The following ARHGAP6 variants were observed in gnomAD, a reference collection of about 807,000 sequenced individuals.
ARHGAP6 encodes rho GTPase-activating protein 6.
Under a neutral mutation model 55.7 loss-of-function variants are expected in ARHGAP6, and 16 were observed. That is an observed-to-expected ratio of 0.29 (90% confidence interval 0.19 to 0.44). The LOEUF (loss-of-function observed/expected upper bound fraction) is 0.44. Among genes scored for constraint, ARHGAP6 ranks in the 20% least tolerant of loss-of-function variants. The pLI, the probability that ARHGAP6 is intolerant of heterozygous loss-of-function variation, is 1.00. For synonymous variants in ARHGAP6, 382 were observed against 360.9 expected (o/e 1.06, Z -0.66); for missense variants, 698 against 808.9 (o/e 0.86, Z 1.66).
At chrX:11,337,699 G>T (rs1314766839) in intron 1 of ARHGAP6, among the ~76,000 whole-genome samples, 1 of 112,383 alleles carries the variant, frequency 8.9e-6, no homozygotes, top group Non-Finnish European at 1.9e-5. Flanking sequence ...TTCTTATAGG[G>T]GAATAAAATT....
At chrX:11,244,239 A>T (rs1429915438) in intron 2 of ARHGAP6, among the ~76,000 whole-genome samples, 4 of 112,397 alleles carry the variant, frequency 3.6e-5, no homozygotes, top group Non-Finnish European at 7.5e-5. Flanking sequence ...AGATCCAGAG[A>T]ATAAATACTT....
At chrX:11,311,961 T>C (rs1232290646) in intron 1 of ARHGAP6, among the ~76,000 whole-genome samples, 1 of 109,584 alleles carries the variant, frequency 9.1e-6, no homozygotes, top group Non-Finnish European at 1.9e-5. Context: ...AAATGAACTG[T>C]GTTTGGCAAG....
chrX:11,370,582 T>C (rs1233522456), intron 1 of ARHGAP6, among the ~76,000 whole-genome samples: 1 of 111,979 alleles, frequency 8.9e-6, no homozygotes, highest in East Asian at 2.8e-4. Flanking sequence ...AATCTCTACT[T>C]AGTCATTGTA....
intron 1 of ARHGAP6, among the ~76,000 whole-genome samples, chrX:11,406,331 T>C (rs1024253478): frequency 5.4e-5 from 6 of 111,765 alleles, no homozygotes; most frequent in African/African-American, 1.3e-4. Context: ...AAGACTATAC[T>C]GAGCCTCAGC....
intron 1 of ARHGAP6, among the ~76,000 whole-genome samples, chrX:11,258,847 T>C (rs948474378): frequency 5.4e-5 from 6 of 111,820 alleles, no homozygotes; most frequent in Non-Finnish European, 3.8e-5. Context: ...TTTTACTTTT[T>C]AAATTTCTGT....
chrX:11,342,148 A>G (rs776290614), intron 1 of ARHGAP6, among the ~76,000 whole-genome samples: 1 of 112,137 alleles, frequency 8.9e-6, no homozygotes, highest in Admixed American at 9.5e-5. Context: ...GCAACCTCTC[A>G]GTTTGCTCTT....
chrX:11,266,033 CTGTGTGTGTGTGTGTGTG>C (rs56408947), intron 1 of ARHGAP6: 24 of 168,428 alleles, frequency 1.4e-4, no homozygotes, highest in African/African-American at 4.5e-4. Flanking sequence ...GCGTGTGTGC[CTGTGTGTGTGTGTGTGTG>C]TGTGTGTGTG....
At position 11,398,083 on chromosome X, in the gene ARHGAP6, T is replaced by C. The variant is rs755549468; in HGVS notation, c.589-143376A>G. Among the ~76,000 whole-genome samples, 11 of 110,304 alleles carry C rather than the reference T, an allele frequency of 1.0e-4. No homozygotes were observed. The South Asian group carries it at 2.0e-3, about 20-fold the overall frequency. On this transcript the variant is annotated intron_variant, in intron 1 of 12. Transcript: ENST00000337414. ...ACTCCACTTTGGAAAAGGTGCCAAA[T>C]CTCATGGGCTTACACTACCTGGTGA...
At chrX:11,564,101 A>T (rs753979873) in intron 1 of ARHGAP6, among the ~76,000 whole-genome samples, 45 of 111,917 alleles carry the variant, frequency 4.0e-4, no homozygotes, top group Non-Finnish European at 1.9e-4. Flanking sequence ...AAAATGATAG[A>T]TAGCAAGAAT....
intron 2 of ARHGAP6, among the ~76,000 whole-genome samples, chrX:11,245,957 G>T (rs1309724764): frequency 8.9e-6 from 1 of 111,921 alleles, no homozygotes; most frequent in Non-Finnish European, 1.9e-5. Context: ...TTGATAGTAA[G>T]ATCAGTAGAC....
intron 1 of ARHGAP6, chrX:11,294,975 G>A: frequency 1.4e-6 from 1 of 737,691 alleles, no homozygotes; most frequent in Non-Finnish European, 2.1e-6. Flanking sequence ...CTGGGTTGAA[G>A]AAACACTTCA....
intron 1 of ARHGAP6, among the ~76,000 whole-genome samples, chrX:11,615,855 T>C (rs1463192266): frequency 3.6e-5 from 4 of 112,299 alleles, no homozygotes; most frequent in African/African-American, 1.3e-4. Context: ...TTTCCCATTG[T>C]AAAGAGGATG....
chrX:11,498,207 G>A (rs1050033514), intron 1 of ARHGAP6, among the ~76,000 whole-genome samples: 4 of 111,249 alleles, frequency 3.6e-5, no homozygotes, highest in Admixed American at 2.9e-4. Context: ...ACAGTCTCAT[G>A]CACGTATATG....
chrX:11,404,514 C>T (rs1224313866), intron 1 of ARHGAP6, among the ~76,000 whole-genome samples: 15 of 111,913 alleles, frequency 1.3e-4, no homozygotes, highest in African/African-American at 4.5e-4. Flanking sequence ...AATTAGAACT[C>T]AAAGAAAGTA....
intron 1 of ARHGAP6, among the ~76,000 whole-genome samples, chrX:11,451,084 A>C (rs1378800254): frequency 9.0e-6 from 1 of 111,501 alleles, no homozygotes; most frequent in Non-Finnish European, 1.9e-5. Context: ...TGTAACCTGC[A>C]CACATTGGAA....
intron 1 of ARHGAP6, among the ~76,000 whole-genome samples, chrX:11,346,719 A>AAAAG (rs74803792): frequency 0.094 from 8,706 of 92,304 alleles, 370 homozygotes; most frequent in African/African-American, 0.098. Flanking sequence ...AAGAAGAAAG[A>AAAAG]AAAGAAAGAA....
intron 10 of ARHGAP6, among the ~76,000 whole-genome samples, chrX:11,154,613 A>G (rs1322736379): frequency 8.9e-6 from 1 of 112,302 alleles, no homozygotes; most frequent in Non-Finnish European, 1.9e-5. Context: ...TTTCCCACAC[A>G]GTACCAACCA....
At chrX:11,522,291 C>A (rs1384954510) in intron 1 of ARHGAP6, among the ~76,000 whole-genome samples, 2 of 110,761 alleles carry the variant, frequency 1.8e-5, no homozygotes, top group East Asian at 5.6e-4. Context: ...CAGGAAAGAT[C>A]TAAAATTGAC....
At chrX:11,384,406 C>T (rs2049302419) in intron 1 of ARHGAP6, among the ~76,000 whole-genome samples, 2 of 112,088 alleles carry the variant, frequency 1.8e-5, no homozygotes, top group African/African-American at 6.5e-5. Context: ...GAAAGCATGA[C>T]AGTTTAATCA....
Sources: allele counts gnomAD v4.1 joint callset (sites outside exome capture counted in the v4.1 genomes callset), GRCh38; gene constraint gnomAD v4.1.1; transcripts MANE v1.5; gene names NCBI Gene and HGNC (gene_info 2026-07-23, HGNC 2026-07-21).